Variants in DSCAML1 observed in about 807,000 individuals in gnomAD.
The protein encoded by DSCAML1 is DS cell adhesion molecule like 1.
Under a neutral mutation model 200.5 loss-of-function variants are expected in DSCAML1, and 38 were observed. The ratio of observed to expected loss-of-function variants is 0.19; its 90% CI spans 0.15 to 0.25. The LOEUF (loss-of-function observed/expected upper bound fraction) is 0.25, where lower values mean the gene tolerates loss of function less well. Ranked by LOEUF, DSCAML1 falls within the 10% of genes least tolerant of loss-of-function variation. The pLI is 1.00. For synonymous variants in DSCAML1, 1,215 were observed against 1,165.0 expected (o/e 1.04, Z -0.87); for missense variants, 2,223 against 2,858.8 (o/e 0.78, Z 5.07).
At chr11:117,813,190 C>T (rs1389949781) in intron 1 of DSCAML1, among the ~76,000 whole-genome samples, 2 of 152,206 alleles carry the variant, frequency 1.3e-5, no homozygotes, top group East Asian at 3.8e-4. Flanking sequence ...TTACCACTTT[C>T]CCTTCTCAGA....
At chr11:117,545,192 C>T (rs1417087704) in intron 3 of DSCAML1, among the ~76,000 whole-genome samples, 4 of 151,024 alleles carry the variant, frequency 2.6e-5, no homozygotes, top group African/African-American at 9.8e-5. Context: ...ATCGTGCCAC[C>T]ACACTCTAGC....
chr11:117,712,326 AG>A (rs1012299863), intron 3 of DSCAML1, among the ~76,000 whole-genome samples: 1 of 152,026 alleles, frequency 6.6e-6, no homozygotes, highest in Non-Finnish European at 1.5e-5. Context: ...GGGGTTGGGG[AG>A]GGTTCTCTTT....
chr11:117,673,221 G>C (rs1056919642), intron 3 of DSCAML1, among the ~76,000 whole-genome samples: 1 of 152,202 alleles, frequency 6.6e-6, no homozygotes, highest in African/African-American at 2.4e-5. Flanking sequence ...AGTGGAATTA[G>C]GTAGGTAAAT....
intron 20 of DSCAML1, among the ~76,000 whole-genome samples, chr11:117,447,148 C>CGTG (rs1220929523): frequency 2.6e-5 from 4 of 152,066 alleles, no homozygotes; most frequent in Non-Finnish European, 5.9e-5. Flanking sequence ...ATTAGCCAGG[C>CGTG]GTGGTGATGT....
At chr11:117,737,511 C>A (rs1384403596) in intron 3 of DSCAML1, among the ~76,000 whole-genome samples, 17 of 152,206 alleles carry the variant, frequency 1.1e-4, no homozygotes, top group Non-Finnish European at 1.0e-4. Context: ...ACCGGGACAG[C>A]AGGACAGCGG....
At chr11:117,604,519 G>A (rs1591313686) in intron 3 of DSCAML1, among the ~76,000 whole-genome samples, 1 of 152,148 alleles carries the variant, frequency 6.6e-6, no homozygotes, top group African/African-American at 2.4e-5. Flanking sequence ...GAACTGGCAC[G>A]AGGCTCCATT....
At chr11:117,610,502 C>A (rs2051666905) in intron 3 of DSCAML1, among the ~76,000 whole-genome samples, 1 of 151,986 alleles carries the variant, frequency 6.6e-6, no homozygotes, top group Non-Finnish European at 1.5e-5. Context: ...AGCAACCTCC[C>A]CTTGCCCCCA....
intron 5 of DSCAML1, among the ~76,000 whole-genome samples, chr11:117,521,924 C>T (rs1046991844): frequency 2.0e-5 from 3 of 152,214 alleles, no homozygotes; most frequent in Non-Finnish European, 4.4e-5. Context: ...CACGTGGCAG[C>T]ACCTCCCTGC....
intron 11 of DSCAML1, among the ~76,000 whole-genome samples, chr11:117,487,932 T>C (rs1281651343): frequency 6.6e-6 from 1 of 152,170 alleles, no homozygotes; most frequent in Admixed American, 6.5e-5. Flanking sequence ...AAGGAGTCAA[T>C]TAAGGCCTGG....
intron 3 of DSCAML1, among the ~76,000 whole-genome samples, chr11:117,569,065 G>A (rs1338931706): frequency 3.9e-5 from 6 of 151,994 alleles, no homozygotes; most frequent in South Asian, 2.1e-4. Context: ...AAATAACGCC[G>A]CATATCTACA....
intron 3 of DSCAML1, among the ~76,000 whole-genome samples, chr11:117,545,477 C>T (rs867888400): frequency 3.3e-5 from 5 of 152,190 alleles, no homozygotes; most frequent in Admixed American, 6.5e-5. Context: ...GAATACACTC[C>T]TCATCTGGAC....
At chr11:117,673,262 G>A (rs1460720636) in intron 3 of DSCAML1, among the ~76,000 whole-genome samples, 1 of 152,174 alleles carries the variant, frequency 6.6e-6, no homozygotes, top group Non-Finnish European at 1.5e-5. Flanking sequence ...ACATTCCAAA[G>A]CCGAATATCA....
intron 24 of DSCAML1, among the ~76,000 whole-genome samples, chr11:117,438,592 A>G (rs1249595325): frequency 3.2e-5 from 2 of 62,178 alleles, no homozygotes; most frequent in Non-Finnish European, 5.6e-5. Flanking sequence ...GCACTGATCT[A>G]GTAGTCCATT....
rs1486408143 is a variant in DSCAML1, at chr11:117,582,999, T to TATTA, written c.512-50481_512-50478dup. ...GTGGCATAGGAGACAGGGATATTAT[T>TATTA]ATTATTATTATTATTATTATTGTAG... is the stretch of plus-strand genomic sequence containing the variant. On this transcript the variant is annotated intron_variant, in intron 3 of 32. Transcript: ENST00000651296. 2.0e-5 allele frequency among the ~76,000 whole-genome samples: 3 copies of TATTA among 149,352 alleles called. No homozygotes were observed. In the East Asian group the frequency reaches 5.8e-4, roughly 29 times the overall value.
chr11:117,797,859 T>G (rs1198485192), upstream of DSCAML1, among the ~76,000 whole-genome samples: 5 of 152,294 alleles, frequency 3.3e-5, no homozygotes, highest in African/African-American at 1.2e-4. Context: ...TGTGTTATCT[T>G]CCTCCTTTGT....
intron 3 of DSCAML1, among the ~76,000 whole-genome samples, chr11:117,629,876 T>C (rs1012285856): frequency 6.6e-6 from 1 of 152,170 alleles, no homozygotes; most frequent in African/African-American, 2.4e-5. Context: ...GGCATATGCC[T>C]GTAGCCCCAG....
In DSCAML1 at chr11:117,665,701, AC is replaced by A. The variant is rs542064321; in HGVS notation, c.511+111089del. Among the ~76,000 whole-genome samples the A allele has an allele frequency of 8.9e-3, 1,356 of 152,278 alleles. 13 individuals carry two copies. Among genetic ancestry groups the A allele is most frequent in the Non-Finnish European group, 0.016 (1,058 of 68,026 alleles). The stretch of plus-strand genomic sequence containing the variant: ...CCATCACACAGGCAGCATGCGTGGA[AC>A]TGGGATTCACACCAGGCAGCATGGT... On this transcript the variant is annotated intron_variant, in intron 3 of 32. Transcript: ENST00000651296.
At chr11:117,643,942 C>T (rs917881398) in intron 3 of DSCAML1, among the ~76,000 whole-genome samples, 3 of 152,204 alleles carry the variant, frequency 2.0e-5, no homozygotes, top group Non-Finnish European at 2.9e-5. Context: ...AGAGCTGGAA[C>T]GTTCAGCCCA....
At chr11:117,549,016 C>T (rs1343260029) in intron 3 of DSCAML1, among the ~76,000 whole-genome samples, 1 of 152,208 alleles carries the variant, frequency 6.6e-6, no homozygotes, top group African/African-American at 2.4e-5. Flanking sequence ...GGACATGGCA[C>T]TGTGACCTCT....
Sources: allele counts gnomAD v4.1 joint callset (sites outside exome capture counted in the v4.1 genomes callset), GRCh38; gene constraint gnomAD v4.1.1; transcripts MANE v1.5; gene names NCBI Gene and HGNC (gene_info 2026-07-23, HGNC 2026-07-21).